The following CDKN2B-AS1 variants were observed in gnomAD, a reference collection of about 807,000 sequenced individuals.
The protein encoded by CDKN2B-AS1 is CDKN2B antisense RNA 1 (non-protein coding).
At chr9:22,028,821 T>A (rs1273764819) in intron 1 of CDKN2B-AS1, among the ~76,000 whole-genome samples, 3 of 152,152 alleles carry the variant, frequency 2.0e-5, no homozygotes, top group African/African-American at 4.8e-5. Context: ...TTGAATTGAT[T>A]AAGGATATCC....
chr9:22,094,575 A>G (rs879910481), intron 4 of CDKN2B-AS1, among the ~76,000 whole-genome samples: 2 of 144,202 alleles, frequency 1.4e-5, no homozygotes, highest in Non-Finnish European at 2.9e-5. Flanking sequence ...ATCTTCCATC[A>G]CTGATACCCT....
chr9:22,123,092 G>A (rs1826133886), intron 4 of CDKN2B-AS1, among the ~76,000 whole-genome samples: 1 of 151,822 alleles, frequency 6.6e-6, no homozygotes, highest in Non-Finnish European at 1.5e-5. Context: ...TTTATTCCTT[G>A]GTATTTTATT....
intron 4 of CDKN2B-AS1, among the ~76,000 whole-genome samples, chr9:22,057,519 A>T (rs966705108): frequency 6.6e-6 from 1 of 152,222 alleles, no homozygotes; most frequent in Non-Finnish European, 1.5e-5. Flanking sequence ...AGAAAGTGAT[A>T]TAGTATTGGC....
Position 22,094,692 on chromosome 9 carries a change from G to C in CDKN2B-AS1, n.439-32411G>C, listed in dbSNP as rs542290752. 2.2e-4 allele frequency among the ~76,000 whole-genome samples: 31 copies of C among 143,988 alleles called. 1 individual carries two copies. The South Asian group carries it at 5.1e-3, about 24-fold the overall frequency. The allele number at this position is 143,988 out of a possible 152,430, so 94.5% of individuals were successfully genotyped here. A position where few individuals can be genotyped will look rare whatever the true frequency, so the allele number is the denominator to read the frequency against. ...GTCCTTTAAAGACTTCTCTGCGTTG[G>C]TTATTCTAGTTAGCCATTTGTCTAA... On this transcript the variant is annotated intron_variant and non_coding_transcript_variant, in intron 4 of 4. Coordinates refer to ENST00000650946, the Ensembl canonical transcript of CDKN2B-AS1.
Position 22,005,980 on chromosome 9 carries a change from C to A in CDKN2B-AS1, n.29+10819C>A. On this transcript the variant is annotated intron_variant and non_coding_transcript_variant, in intron 1 of 4. Transcript: ENST00000650946. The surrounding 1 kb of genome is among the most constrained non-coding windows in gnomAD (Gnocchi z 4.9). Reference sequence around the variant, plus strand: ...AAAGTCGTTGTGGGCGGCTGGGGAACCTGGCGTCAGTCCCCCGTGGCTGTG... The same window carrying A: ...AAAGTCGTTGTGGGCGGCTGGGGAAACTGGCGTCAGTCCCCCGTGGCTGTG... 1 of 1,601,114 alleles carries A rather than the reference C, an allele frequency of 6.2e-7. No individual in the cohort carries two copies.
intron 1 of CDKN2B-AS1, among the ~76,000 whole-genome samples, chr9:22,021,069 G>A (rs1235569567): frequency 6.6e-6 from 1 of 152,042 alleles, no homozygotes; most frequent in African/African-American, 2.4e-5. Flanking sequence ...TAAGGAAGGG[G>A]TCCAGATTTA....
intron 3 of CDKN2B-AS1, chr9:22,056,122 G>A (rs1823556735): frequency 6.7e-6 from 1 of 149,328 alleles, no homozygotes; most frequent in Admixed American, 6.7e-5. Flanking sequence ...TCACCTCCCG[G>A]GTTCAAGTGA....
chr9:22,003,500 A>G (rs955027570), intron 1 of CDKN2B-AS1: 1 of 228,660 alleles, frequency 4.4e-6, no homozygotes, highest in Non-Finnish European at 8.7e-6. Flanking sequence ...TTGGAATTTA[A>G]GATATAGAGG....
intron 4 of CDKN2B-AS1, among the ~76,000 whole-genome samples, chr9:22,104,890 C>T (rs945491810): frequency 3.3e-5 from 5 of 152,062 alleles, no homozygotes; most frequent in African/African-American, 1.2e-4. Flanking sequence ...TATTAAATAC[C>T]AGGGACTTTG....
chr9:22,063,777 A>T (rs58814679), intron 4 of CDKN2B-AS1, among the ~76,000 whole-genome samples: 10,669 of 152,244 alleles, frequency 0.07, 1,215 homozygotes, highest in African/African-American at 0.24. Context: ...CCGGAGCTGG[A>T]GGACTCAAAG....
rs975365640 is a variant in CDKN2B-AS1, at chr9:22,039,661, A to G, written n.30-7090A>G. The stretch of plus-strand genomic sequence containing the variant: ...ATAGTCTCTTAAAAAAACAGATTAT[A>G]GTAAGAAGTGGCTGAGCAATTAGCT... On this transcript the variant is annotated intron_variant and non_coding_transcript_variant, in intron 1 of 4. Transcript: ENST00000650946. The surrounding 1 kb of genome is among the most constrained non-coding windows in gnomAD (Gnocchi z 4.4). Among the ~76,000 whole-genome samples, 2 of 152,038 alleles carry G rather than the reference A, an allele frequency of 1.3e-5. No individual in the cohort carries two copies. The highest frequency in any genetic ancestry group is 4.8e-5 in the African/African-American group (2 of 41,432).
chr9:22,089,996 G>C (rs1370683148), intron 4 of CDKN2B-AS1, among the ~76,000 whole-genome samples: 1 of 106,990 alleles, frequency 9.3e-6, no homozygotes, highest in Admixed American at 1.4e-4. Flanking sequence ...CCCCACAACA[G>C]GCCCCGGTGT....
At chr9:22,029,713 T>C (rs1822390369) in intron 1 of CDKN2B-AS1, 2 of 424,924 alleles carry the variant, frequency 4.7e-6, no homozygotes, top group Non-Finnish European at 4.1e-6. Flanking sequence ...TGATGACCTG[T>C]TTTCAAATAT....
At chr9:22,105,942 G>C (rs1405097663) in intron 4 of CDKN2B-AS1, among the ~76,000 whole-genome samples, 1 of 152,184 alleles carries the variant, frequency 6.6e-6, no homozygotes, top group East Asian at 1.9e-4. Context: ...GGAGACTCCA[G>C]CTCTGTCGCC....
intron 4 of CDKN2B-AS1, among the ~76,000 whole-genome samples, chr9:22,123,670 G>A (rs1826139545): frequency 6.6e-6 from 1 of 151,492 alleles, no homozygotes; most frequent in Admixed American, 6.6e-5. Context: ...TTAACTAGAA[G>A]AAGAAGACAG....
chr9:22,060,103 A>G (rs1005601341), intron 4 of CDKN2B-AS1, among the ~76,000 whole-genome samples: 1 of 152,196 alleles, frequency 6.6e-6, no homozygotes, highest in African/African-American at 2.4e-5. Context: ...CTCGGGGATT[A>G]ACATTAGGCC....
At chr9:22,061,112 A>G (rs1041397358) in intron 4 of CDKN2B-AS1, among the ~76,000 whole-genome samples, 1 of 152,214 alleles carries the variant, frequency 6.6e-6, no homozygotes, top group African/African-American at 2.4e-5. Flanking sequence ...TTTTCTTGCA[A>G]CTGATTGGCC....
Position 22,001,389 on chromosome 9 carries a change from G to A in CDKN2B-AS1, n.29+6228G>A, listed in dbSNP as rs1396773735. The stretch of plus-strand genomic sequence containing the variant: ...TTGGGGTCCTTTGTAAACTTCTAGT[G>A]TAATGTGAATAGCTGTGAGGTAGTC... On this transcript the variant is annotated intron_variant and non_coding_transcript_variant, in intron 1 of 4. Transcript: ENST00000650946. This position sits in a 1 kb window ranked among gnomAD's most constrained non-coding sequence, Gnocchi z 4.2. 3.9e-5 allele frequency among the ~76,000 whole-genome samples: 6 copies of A among 152,142 alleles called. No individual in the cohort carries two copies. In the East Asian group the frequency reaches 9.6e-4, roughly 24 times the overall value.
intron 1 of CDKN2B-AS1, chr9:22,009,469 T>A: frequency 3.8e-6 from 1 of 263,344 alleles, no homozygotes; most frequent in Non-Finnish European, 7.4e-6. Context: ...CTAGGACGCA[T>A]GCGCCAGAGA....
Sources: allele counts gnomAD v4.1 joint callset (sites outside exome capture counted in the v4.1 genomes callset), GRCh38; gene constraint gnomAD v4.1.1; non-coding constraint Gnocchi (gnomAD v3.1); transcripts MANE v1.5; gene names NCBI Gene and HGNC (gene_info 2026-07-23, HGNC 2026-07-21).